The following FGGY variants were observed in gnomAD, a reference collection of about 807,000 sequenced individuals.
The protein encoded by FGGY is FGGY carbohydrate kinase domain-containing protein.
A neutral mutation model predicts 71.3 loss-of-function variants in FGGY; 72 were observed. The observed-to-expected ratio is 1.01, with a 90% CI of 0.84 to 1.23. The LOEUF is 1.23. FGGY is among the 50% of genes most tolerant of loss of function. FGGY has a pLI of 0.00. For synonymous variants in FGGY, 251 were observed against 250.3 expected (o/e 1.00, Z -0.02); for missense variants, 668 against 682.3 (o/e 0.98, Z 0.23).
intron 14 of FGGY, among the ~76,000 whole-genome samples, chr1:59,729,621 C>T (rs2097998707): frequency 6.6e-6 from 1 of 152,164 alleles, no homozygotes; most frequent in African/African-American, 2.4e-5. Flanking sequence ...CCTAAGATCT[C>T]CTCCTTAGAT....
chr1:59,544,402 G>A (rs1423035837), intron 7 of FGGY, among the ~76,000 whole-genome samples: 4 of 152,152 alleles, frequency 2.6e-5, no homozygotes, highest in African/African-American at 7.2e-5. Flanking sequence ...CCAGATACAA[G>A]GATGGTGCTT....
chr1:59,542,445 C>CTTTTTTTTTTTTTTTTTTTTTT (rs754831417), intron 7 of FGGY, among the ~76,000 whole-genome samples: 1 of 34,246 alleles, frequency 2.9e-5, no homozygotes, highest in Non-Finnish European at 5.6e-5. Context: ...ATGTTCTTTA[C>CTTTTTTTTTTTTTTTTTTTTTT]TTTTTTTTTT....
intron 14 of FGGY, among the ~76,000 whole-genome samples, chr1:59,745,452 C>A (rs951018414): frequency 6.6e-6 from 1 of 152,182 alleles, no homozygotes; most frequent in Non-Finnish European, 1.5e-5. Flanking sequence ...CATTTTGATT[C>A]TTTGCTGTCG....
intron 5 of FGGY, among the ~76,000 whole-genome samples, chr1:59,424,462 G>A (rs374796918): frequency 2.0e-5 from 3 of 152,124 alleles, no homozygotes; most frequent in African/African-American, 4.8e-5. Context: ...CAGGAGAATC[G>A]CTTGAACCCG....
intron 11 of FGGY, among the ~76,000 whole-genome samples, chr1:59,643,072 G>GA (rs932724596): frequency 6.8e-6 from 1 of 147,884 alleles, no homozygotes; most frequent in African/African-American, 2.5e-5. Flanking sequence ...TACATACAAA[G>GA]AAAAAAATAC....
At chr1:59,474,466 C>T (rs991902689) in intron 6 of FGGY, among the ~76,000 whole-genome samples, 1 of 152,178 alleles carries the variant, frequency 6.6e-6, no homozygotes, top group African/African-American at 2.4e-5. Context: ...GACCAGAAAC[C>T]AGGTCTTCTG....
intron 5 of FGGY, among the ~76,000 whole-genome samples, chr1:59,382,027 G>T (rs946840033): frequency 2.0e-5 from 3 of 152,130 alleles, no homozygotes; most frequent in African/African-American, 4.8e-5. Flanking sequence ...GATGCCTAAG[G>T]TCAAGGCAGG....
intron 14 of FGGY, among the ~76,000 whole-genome samples, chr1:59,688,842 C>T (rs7511767): frequency 0.014 from 2,198 of 151,760 alleles, 24 homozygotes; most frequent in Middle Eastern, 0.048. Flanking sequence ...CTCCACCTCC[C>T]TGGTTCAAGT....
At chr1:59,634,205 G>A (rs2153877830) in intron 10 of FGGY, among the ~76,000 whole-genome samples, 1 of 152,204 alleles carries the variant, frequency 6.6e-6, no homozygotes. Flanking sequence ...AGGAGATCAA[G>A]ACCATCCTGG....
intron 14 of FGGY, among the ~76,000 whole-genome samples, chr1:59,685,564 G>C (rs2097537578): frequency 1.3e-5 from 2 of 152,100 alleles, no homozygotes; most frequent in African/African-American, 4.8e-5. Context: ...ACCAGCAAAG[G>C]ACAAGGTGAT....
At chr1:59,414,962 G>A (rs564199712) in intron 5 of FGGY, among the ~76,000 whole-genome samples, 20 of 152,314 alleles carry the variant, frequency 1.3e-4, no homozygotes, top group African/African-American at 4.3e-4. Context: ...GAAGATGTCT[G>A]GGACATCTGG....
At chr1:59,714,761 G>T (rs938723725) in intron 14 of FGGY, among the ~76,000 whole-genome samples, 34 of 152,118 alleles carry the variant, frequency 2.2e-4, no homozygotes, top group African/African-American at 8.2e-4. Context: ...AGAGGAGAGA[G>T]AAATAACAAG....
At chr1:59,370,441 G>A (rs1274100888) in intron 4 of FGGY, among the ~76,000 whole-genome samples, 1 of 152,250 alleles carries the variant, frequency 6.6e-6, no homozygotes, top group African/African-American at 2.4e-5. Flanking sequence ...TGGTGTACCT[G>A]AAAGTGACGG....
At chr1:59,579,647 C>G (rs2407604) in intron 8 of FGGY, among the ~76,000 whole-genome samples, 15,978 of 152,120 alleles carry the variant, frequency 0.11, 1,015 homozygotes, top group South Asian at 0.3. Context: ...CTGATGGAAT[C>G]CACCAATGTG....
chr1:59,716,870 A>T (rs950998539), intron 14 of FGGY, among the ~76,000 whole-genome samples: 2 of 152,154 alleles, frequency 1.3e-5, no homozygotes, highest in Non-Finnish European at 2.9e-5. Context: ...TGGAAGTGAG[A>T]GCTCTCAGAC....
intron 8 of FGGY, among the ~76,000 whole-genome samples, chr1:59,596,230 T>C (rs1300381225): frequency 6.6e-6 from 1 of 152,074 alleles, no homozygotes; most frequent in Non-Finnish European, 1.5e-5. Flanking sequence ...CTTAACATTT[T>C]TAGAAAATGT....
chr1:59,404,337 G>A (rs919799865), intron 5 of FGGY, among the ~76,000 whole-genome samples: 1 of 151,866 alleles, frequency 6.6e-6, no homozygotes, highest in East Asian at 1.9e-4. Flanking sequence ...AAACCTGCAC[G>A]GCATGCACAT....
chr1:59,593,983 A>C (rs1288267610), intron 8 of FGGY, among the ~76,000 whole-genome samples: 1 of 152,224 alleles, frequency 6.6e-6, no homozygotes, highest in East Asian at 1.9e-4. Flanking sequence ...AAAAGGCTGT[A>C]GTTCATAGCT....
chr1:59,445,309 A>C (rs888410447), intron 5 of FGGY, among the ~76,000 whole-genome samples: 1 of 152,154 alleles, frequency 6.6e-6, no homozygotes, highest in African/African-American at 2.4e-5. Context: ...TACCTGGTGC[A>C]GTCCTCTTCC....
Sources: gnomAD v4.1 joint callset for allele counts (sites outside exome capture counted in the v4.1 genomes callset) on GRCh38, gnomAD v4.1.1 for gene constraint, MANE v1.5 for transcripts, NCBI Gene and HGNC (gene_info 2026-07-23, HGNC 2026-07-21) for gene names.